Variants in FREM1 observed in about 807,000 individuals in gnomAD.
FREM1 encodes FRAS1-related extracellular matrix protein 1.
FREM1 carries 220 observed loss-of-function variants against 210.1 expected under a neutral mutation model. That is an observed-to-expected ratio of 1.05 (90% confidence interval 0.94 to 1.17). FREM1 has a LOEUF of 1.17. FREM1 is among the 50% of genes most tolerant of loss of function. The pLI, the probability that FREM1 is intolerant of heterozygous loss-of-function variation, is 0.00. For missense variants in FREM1, 3,454 were observed against 2,675.5 expected (o/e 1.29, Z -6.42); for synonymous variants, 1,189 against 980.2 (o/e 1.21, Z -3.98).
Position 14,804,984 on chromosome 9 carries a change from G to C in FREM1, c.3443C>G (p.Ala1148Gly), listed in dbSNP as rs375050254. 6.2e-7 allele frequency: 1 copy of C among 1,612,992 alleles called. No individual in the cohort carries two copies. Among genetic ancestry groups the C allele is most frequent in the African/African-American group, 1.3e-5 (1 of 74,910 alleles). ...SIIINPTNDE[A>G]PDFVVQNITV... ...AATATTCTGCACTACAAAGTCAGGA[G>C]CTTCATCATTTGTGGGGTTGATTAT... The change falls in exon 19 of 37, where the codon GCT becomes GGT. Residue 1148 changes from alanine (A) to glycine (G), a missense_variant. Transcript: ENST00000380880.
rs112205577 is a variant in FREM1 at position 14,801,971 on chromosome 9, T to G, written c.3472-97A>C. ...AAGAAATCACTTGAATATATCCTAC[T>G]TCAAATTTTCTATGAGATTTATATA... On this transcript the variant is annotated intron_variant, in intron 19 of 36. Transcript: ENST00000380880. 367 of 836,640 alleles carry G rather than the reference T, an allele frequency of 4.4e-4. 1 individual carries two copies. The African/African-American group carries it at 5.2e-3, about 12-fold the overall frequency. 51.8% of individuals were successfully genotyped at this position (836,640 alleles called of 1,614,324 possible).
intron 5 of FREM1, among the ~76,000 whole-genome samples, chr9:14,854,453 T>C (rs1028901779): frequency 2.0e-5 from 3 of 152,080 alleles, no homozygotes; most frequent in African/African-American, 7.2e-5. Flanking sequence ...TGATCATTAA[T>C]GGAAAAAGCA....
intron 24 of FREM1, among the ~76,000 whole-genome samples, chr9:14,780,627 A>G (rs1367534609): frequency 6.6e-6 from 1 of 152,014 alleles, no homozygotes; most frequent in East Asian, 1.9e-4. Flanking sequence ...TTCACAAAAT[A>G]TTTTTGCAGA....
intron 1 of FREM1, among the ~76,000 whole-genome samples, chr9:14,871,211 A>G (rs948721119): frequency 2.0e-5 from 3 of 152,256 alleles, no homozygotes; most frequent in Middle Eastern, 3.4e-3. Context: ...CTAGTTCTAG[A>G]TCCCTGAAGA....
chr9:14,775,503 C>T (rs1283601297), intron 25 of FREM1, among the ~76,000 whole-genome samples: 1 of 151,842 alleles, frequency 6.6e-6, no homozygotes, highest in Admixed American at 6.6e-5. Flanking sequence ...GTCAGGAGTT[C>T]GCCACCAGCC....
At chr9:14,760,983 C>T (rs1011995960) in intron 27 of FREM1, among the ~76,000 whole-genome samples, 2 of 152,154 alleles carry the variant, frequency 1.3e-5, no homozygotes, top group Admixed American at 1.3e-4. Flanking sequence ...TTACAAAATC[C>T]TTAGTGGTTG....
intron 1 of FREM1, among the ~76,000 whole-genome samples, chr9:14,899,246 C>G (rs1481608939): frequency 6.6e-6 from 1 of 152,200 alleles, no homozygotes; most frequent in Non-Finnish European, 1.5e-5. Context: ...AGTGAGACAC[C>G]ACATGTGGCT....
At chr9:14,739,323 C>T (rs904971479) in intron 36 of FREM1, among the ~76,000 whole-genome samples, 1 of 151,290 alleles carries the variant, frequency 6.6e-6, no homozygotes, top group Non-Finnish European at 1.5e-5. Flanking sequence ...AGGCTCATCT[C>T]GAAATCCTGG....
intron 16 of FREM1, among the ~76,000 whole-genome samples, chr9:14,811,908 T>G (rs926053125): frequency 1.3e-5 from 2 of 152,130 alleles, no homozygotes; most frequent in African/African-American, 4.8e-5. Flanking sequence ...ACTTGCAGTT[T>G]AAAGAGGCAT....
At chr9:14,748,082 C>T (rs1230728866) in intron 31 of FREM1, among the ~76,000 whole-genome samples, 4 of 152,138 alleles carry the variant, frequency 2.6e-5, no homozygotes, top group Non-Finnish European at 5.9e-5. Context: ...CCATGGCTTC[C>T]ACACCCAATC....
At chr9:14,883,087 A>G (rs1835106789) in intron 1 of FREM1, among the ~76,000 whole-genome samples, 1 of 152,070 alleles carries the variant, frequency 6.6e-6, no homozygotes, top group African/African-American at 2.4e-5. Context: ...AACAGAGTAG[A>G]AGGAATTGGG....
In FREM1 at chr9:14,823,345, A is replaced by C; in HGVS notation, c.2170-18T>G. 1 of 1,608,556 alleles carries C rather than the reference A, an allele frequency of 6.2e-7. No homozygotes were observed. The highest frequency in any genetic ancestry group is 8.5e-7 in the Non-Finnish European group (1 of 1,176,716). The stretch of plus-strand genomic sequence containing the variant: ...ACAGCATGCTGCAAAGTAAGTTGAG[A>C]TGGATATGTGGGTGCTGACTTGCAA... On this transcript the variant is annotated intron_variant, in intron 12 of 36. Transcript: ENST00000380880.
chr9:14,896,567 A>G (rs568503241), intron 1 of FREM1, among the ~76,000 whole-genome samples: 3 of 138,214 alleles, frequency 2.2e-5, no homozygotes, highest in Non-Finnish European at 4.7e-5. Context: ...AAAAAAAAAG[A>G]AGCATGAATA....
chr9:14,788,425 A>G (rs2132951908), intron 23 of FREM1, among the ~76,000 whole-genome samples: 1 of 152,352 alleles, frequency 6.6e-6, no homozygotes, highest in Middle Eastern at 3.4e-3. Flanking sequence ...AGCACTTTCA[A>G]AGTGAAAGAA....
In FREM1 at chr9:14,806,641, G is replaced by A. The variant is rs775498269; in HGVS notation, c.3274+20C>T. Reference sequence around the variant, plus strand: ...AATATAAGGAAGGGAGTCATTGCTGGTGACGAAGCTACAGCTTACCTATAC... The same window carrying A: ...AATATAAGGAAGGGAGTCATTGCTGATGACGAAGCTACAGCTTACCTATAC... On this transcript the variant is annotated intron_variant, in intron 18 of 36. Transcript: ENST00000380880. 4.3e-6 allele frequency: 6 copies of A among 1,401,558 alleles called. No individual in the cohort carries two copies. The East Asian group carries it at 1.2e-4, about 27-fold the overall frequency. The allele number at this position is 1,401,558 out of a possible 1,614,324, so 86.8% of individuals were successfully genotyped here.
At chr9:14,769,610 G>C (rs371875897) in intron 27 of FREM1, 114 bp downstream of exon 27, 8 of 1,075,578 alleles carry the variant, frequency 7.4e-6, no homozygotes, top group East Asian at 2.8e-5. Flanking sequence ...TTGTGAAATG[G>C]TCTATTAATT....
chr9:14,804,022 A>C (rs989513897), intron 19 of FREM1, among the ~76,000 whole-genome samples: 2 of 152,326 alleles, frequency 1.3e-5, no homozygotes, highest in Non-Finnish European at 2.9e-5. Flanking sequence ...GACAACAAAA[A>C]TTTTAGATCA....
chr9:14,895,281 T>C (rs62534803), intron 1 of FREM1, among the ~76,000 whole-genome samples: 23,995 of 152,232 alleles, frequency 0.16, 2,488 homozygotes, highest in Middle Eastern at 0.25. Context: ...CAAATCGGTC[T>C]TACCATGACT....
chr9:14,824,704 C>T, intron 11 of FREM1, 92 bp downstream of exon 11: 2 of 865,212 alleles, frequency 2.3e-6, no homozygotes, highest in South Asian at 3.4e-5. Context: ...GCAAGTAAAC[C>T]ACAGTACTAT....
Sources: allele counts gnomAD v4.1 joint callset (sites outside exome capture counted in the v4.1 genomes callset), GRCh38; gene constraint gnomAD v4.1.1; transcripts MANE v1.5; gene names NCBI Gene and HGNC (gene_info 2026-07-23, HGNC 2026-07-21).